Variants in PLCG2 observed in about 807,000 individuals in gnomAD.
PLCG2 encodes 1-phosphatidylinositol 4,5-bisphosphate phosphodiesterase gamma-2.
A neutral mutation model predicts 175.6 loss-of-function variants in PLCG2; 69 were observed. That is an observed-to-expected ratio of 0.39 (90% CI 0.32 to 0.48). PLCG2 has a LOEUF of 0.48. PLCG2 is among the 20% of genes least tolerant of loss of function. The pLI is 0.91. For synonymous variants in PLCG2, 827 were observed against 624.0 expected (o/e 1.33, Z -4.85); for missense variants, 1,798 against 1,650.9 (o/e 1.09, Z -1.54).
chr16:81,952,572 C>A (rs1305595679), intron 31 of PLCG2, among the ~76,000 whole-genome samples: 1 of 152,118 alleles, frequency 6.6e-6, no homozygotes, highest in East Asian at 1.9e-4. Flanking sequence ...TAGGAACCAA[C>A]CAGGGAGCGC....
intron 2 of PLCG2, among the ~76,000 whole-genome samples, chr16:81,829,493 C>T (rs1905176417): frequency 6.6e-6 from 1 of 152,232 alleles, no homozygotes; most frequent in Non-Finnish European, 1.5e-5. Context: ...GTTGGGATTA[C>T]AGGTGTGAGC....
intron 2 of PLCG2, among the ~76,000 whole-genome samples, chr16:81,773,822 A>G (rs775553005): frequency 9.9e-5 from 15 of 152,182 alleles, no homozygotes; most frequent in Admixed American, 5.2e-4. Context: ...GCAGAGCTAC[A>G]GAGAGTGAGC....
In PLCG2 at chr16:81,860,174, T is replaced by TATTATTA. The variant is rs1555513305; in HGVS notation, c.479+1011_479+1012insATTATTA. 4.8e-3 allele frequency among the ~76,000 whole-genome samples: 462 copies of TATTATTA among 96,586 alleles called. 1 individual carries two copies. The highest frequency in any genetic ancestry group is 0.011 in the African/African-American group (304 of 26,762). 63.4% of individuals were successfully genotyped at this position (96,586 alleles called of 152,430 possible). A position where few individuals can be genotyped will look rare whatever the true frequency, so the allele number is the denominator to read the frequency against. The stretch of plus-strand genomic sequence containing the variant: ...TTATTATTATTATTATTATTATTAT[T>TATTATTA]TTTTTTTTTTTTTGTAAAGGTGAAG... On this transcript the variant is annotated intron_variant, in intron 5 of 32. Transcript: ENST00000564138.
chr16:81,769,352 G>A (rs941814450), intron 2 of PLCG2, among the ~76,000 whole-genome samples: 7 of 152,208 alleles, frequency 4.6e-5, no homozygotes, highest in African/African-American at 7.2e-5. Context: ...CATACTAGAG[G>A]GTGCAAGAGA....
At chr16:81,921,048 T>C (rs1397910307) in intron 20 of PLCG2, 150 bp from the exon 21 acceptor site, 2 of 566,812 alleles carry the variant, frequency 3.5e-6, no homozygotes, top group Non-Finnish European at 6.3e-6. Context: ...TCTTCCTGTG[T>C]CTACTCATGG....
exon 1 of PLCG2, chr16:81,739,201 G>A (rs986659288): frequency 1.3e-5 from 2 of 152,168 alleles, no homozygotes; most frequent in Non-Finnish European, 1.5e-5. Flanking sequence ...AGAAGCTGGT[G>A]GTCGACCACA....
At chr16:81,787,635 T>C (rs927412926) in intron 2 of PLCG2, among the ~76,000 whole-genome samples, 1 of 151,880 alleles carries the variant, frequency 6.6e-6, no homozygotes, top group Admixed American at 6.6e-5. Flanking sequence ...GTGGTTTTAG[T>C]ATATTTATAT....
At chr16:81,878,706 G>A (rs1370195122) in intron 7 of PLCG2, among the ~76,000 whole-genome samples, 1 of 152,104 alleles carries the variant, frequency 6.6e-6, no homozygotes, top group Non-Finnish European at 1.5e-5. Flanking sequence ...AGTCTGCCCC[G>A]TGGTCTTTAT....
chr16:81,935,761 G>A, intron 26 of PLCG2: 1 of 985,324 alleles, frequency 1.0e-6, no homozygotes, highest in Non-Finnish European at 1.2e-6. Flanking sequence ...GTGGGCTTTG[G>A]CAGGTGATTC....
chr16:81,935,617 G>A, intron 26 of PLCG2: 1 of 985,318 alleles, frequency 1.0e-6, no homozygotes, highest in Non-Finnish European at 1.2e-6. Flanking sequence ...TACCTTCAGG[G>A]ACTCAGCAGG....
chr16:81,923,407 A>C, intron 21 of PLCG2, 78 bp from the exon 22 acceptor site: 1 of 828,348 alleles, frequency 1.2e-6, no homozygotes, highest in South Asian at 1.5e-5. Flanking sequence ...AGAAGAACCA[A>C]ATGGTACCTG....
chr16:81,844,194 C>T (rs1329378012), intron 2 of PLCG2, among the ~76,000 whole-genome samples: 2 of 139,096 alleles, frequency 1.4e-5, no homozygotes, highest in African/African-American at 5.3e-5. Flanking sequence ...CGAGGTTTCA[C>T]GTGTTAGCCA....
intron 1 of PLCG2, among the ~76,000 whole-genome samples, chr16:81,749,197 T>G (rs1597301961): frequency 3.3e-5 from 5 of 152,262 alleles, no homozygotes; most frequent in Admixed American, 2.6e-4. Flanking sequence ...AGGAGCTAAC[T>G]CAGCCAAAGA....
At chr16:81,767,521 C>G (rs1304039886) in intron 2 of PLCG2, 2 of 152,162 alleles carry the variant, frequency 1.3e-5, no homozygotes, top group African/African-American at 4.8e-5. Context: ...CCAACCTGCA[C>G]TGATCACTTC....
At chr16:81,896,080 T>C (rs994947904) in intron 13 of PLCG2, among the ~76,000 whole-genome samples, 153 bp downstream of exon 13, 9 of 152,034 alleles carry the variant, frequency 5.9e-5, no homozygotes, top group Non-Finnish European at 1.3e-4. Flanking sequence ...TGCCATCAAG[T>C]TCTCACCCGA....
intron 2 of PLCG2, among the ~76,000 whole-genome samples, chr16:81,818,106 C>T: frequency 6.6e-6 from 1 of 152,204 alleles, no homozygotes; most frequent in South Asian, 2.1e-4. Flanking sequence ...AGAATTACAA[C>T]ACCTACTTTA....
At chr16:81,782,986 A>C (rs1346002767) in intron 1 of PLCG2, 21 of 393,950 alleles carry the variant, frequency 5.3e-5, no homozygotes, top group Non-Finnish European at 8.4e-5. Flanking sequence ...GCAGCATGGA[A>C]GTCTGGTGTT....
intron 21 of PLCG2, among the ~76,000 whole-genome samples, chr16:81,922,571 G>A (rs1046139037): frequency 2.0e-5 from 3 of 152,134 alleles, no homozygotes; most frequent in African/African-American, 7.2e-5. Flanking sequence ...CACAGACGGG[G>A]GAACTGAGGA....
rs1335504801 is a variant in PLCG2 at position 81,883,301 on chromosome 16, A to C, written c.725A>C (p.Tyr242Ser). The change falls in exon 9 of 33, where the codon TAC becomes TCC. Residue 242 changes from tyrosine to serine, a missense_variant. Tyr to Ser is a moderately radical substitution (Grantham distance 144). Coordinates refer to ENST00000564138, the MANE Select transcript of PLCG2 (RefSeq NM_002661.5). ...NTDRPDASAV[Y>S]LHDFQRFLIH... ...GACAGGCCGGATGCCTCTGCTGTTT[A>C]CCTGCATGACTTCCAGAGGTTTCTC... 1.2e-6 allele frequency: 2 copies of C among 1,614,024 alleles called. No homozygotes were observed. The highest frequency in any genetic ancestry group is 8.5e-7 in the Non-Finnish European group (1 of 1,180,020).
Sources: gnomAD v4.1 joint callset for allele counts (sites outside exome capture counted in the v4.1 genomes callset) on GRCh38, gnomAD v4.1.1 for gene constraint, MANE v1.5 for transcripts, NCBI Gene and HGNC (gene_info 2026-07-23, HGNC 2026-07-21) for gene names.